FAT4: variants seen among roughly 807,000 people sequenced by gnomAD.
The protein encoded by FAT4 is protocadherin Fat 4.
FAT4 carries 84 observed loss-of-function variants against 303.9 expected under a neutral mutation model. That is an observed-to-expected ratio of 0.28 (90% CI 0.23 to 0.33). FAT4 has a LOEUF of 0.33. FAT4 is among the 10% of genes least tolerant of loss of function. The pLI is 1.00. For missense variants in FAT4, 6,005 were observed against 6,146.8 expected, an observed-to-expected ratio of 0.98 and a Z score of 0.77; for synonymous variants, 2,307 against 2,298.8, an observed-to-expected ratio of 1.00 and a Z score of -0.10.
intron 10 of FAT4, among the ~76,000 whole-genome samples, chr4:125,453,725 G>A (rs1254604978): frequency 6.6e-6 from 1 of 151,510 alleles, no homozygotes; most frequent in African/African-American, 2.4e-5. Flanking sequence ...AAAAAATGGT[G>A]TGTTATTCCT....
At chr4:125,396,803 T>C (rs1417109175) in intron 2 of FAT4, among the ~76,000 whole-genome samples, 1 of 152,022 alleles carries the variant, frequency 6.6e-6, no homozygotes, top group Non-Finnish European at 1.5e-5. Context: ...TACCTTTTAT[T>C]TGTTATTTTT....
At chr4:125,486,478 G>T (rs950193914) in intron 16 of FAT4, among the ~76,000 whole-genome samples, 2 of 152,042 alleles carry the variant, frequency 1.3e-5, no homozygotes, top group Non-Finnish European at 2.9e-5. Flanking sequence ...TTTCATTCCC[G>T]TTATTTGAGG....
chr4:125,491,456 AGAT>A lies in FAT4; in HGVS notation c.14646_14648del (p.Asp4882del). 4.3e-6 allele frequency: 7 copies of A among 1,614,206 alleles called. No homozygotes were observed. The highest frequency in any genetic ancestry group is 5.9e-6 in the Non-Finnish European group (7 of 1,180,016). ...TATCTCAAGTCAATGAATCTGATGC[AGAT>A]GATGAAGATAATTATGGAGCCAGAC... On this transcript the variant is annotated inframe_deletion, in exon 18 of 18. Transcript: ENST00000394329.
chr4:125,385,729 A>C (rs12650847), intron 2 of FAT4, among the ~76,000 whole-genome samples: 24,152 of 152,024 alleles, frequency 0.16, 2,422 homozygotes, highest in African/African-American at 0.3. Context: ...TCTAATTTCA[A>C]ATCTTTCATA....
chr4:125,352,852 A>C (rs1052665591), intron 2 of FAT4, among the ~76,000 whole-genome samples: 2 of 151,756 alleles, frequency 1.3e-5, no homozygotes, highest in Non-Finnish European at 1.5e-5. Flanking sequence ...TCAACTGTAT[A>C]AGCCATAAGA....
At chr4:125,390,370 G>T (rs1030161885) in intron 2 of FAT4, among the ~76,000 whole-genome samples, 5 of 152,240 alleles carry the variant, frequency 3.3e-5, no homozygotes, top group Admixed American at 2.0e-4. Flanking sequence ...CTCATCTCAG[G>T]CAGGAAAGGT....
intron 2 of FAT4, among the ~76,000 whole-genome samples, chr4:125,379,474 T>C (rs746769699): frequency 6.6e-6 from 1 of 152,108 alleles, no homozygotes; most frequent in Non-Finnish European, 1.5e-5. Context: ...TATTTATTTT[T>C]TTTGAGATGG....
chr4:125,475,114 T>C (rs1857900), intron 12 of FAT4, among the ~76,000 whole-genome samples: 114,525 of 151,810 alleles, frequency 0.75, 43,317 homozygotes, highest in East Asian at 0.85. Context: ...CTTGTCCATT[T>C]GGATAATGAA....
chr4:125,447,029 T>C (rs1477242618), intron 9 of FAT4, among the ~76,000 whole-genome samples: 1 of 152,092 alleles, frequency 6.6e-6, no homozygotes, highest in Non-Finnish European at 1.5e-5. Context: ...GTTTAATAAA[T>C]GGATAATTCT....
rs777659155 is a variant in FAT4 at position 125,449,803 on chromosome 4, T to C, written c.8793T>C (p.Asn2931=). The change falls in exon 10 of 18, where the codon AAT becomes AAC. Residue 2931 remains asparagine (N), a synonymous_variant. Transcript: ENST00000394329. ...ATGCCACCACTGGAGAGATTTTCAATAAACAGATCTTAAAATACCAAAATG... is the reference window on the plus strand; with the variant it reads ...ATGCCACCACTGGAGAGATTTTCAACAAACAGATCTTAAAATACCAAAATG... The part of the protein sequence containing the change: ...RINATTGEIF[N]KQILKYQNVT... The C allele has an allele frequency of 1.9e-6, 3 of 1,613,838 alleles. No homozygotes were observed. Among genetic ancestry groups the C allele is most frequent in the Non-Finnish European group, 2.5e-6 (3 of 1,179,908 alleles).
chr4:125,414,947 A>T lies in FAT4; in HGVS notation c.5984A>T (p.Asp1995Val). The T allele has an allele frequency of 6.2e-7, 1 of 1,613,714 alleles. No homozygotes were observed. The highest frequency in any genetic ancestry group is 8.5e-7 in the Non-Finnish European group (1 of 1,179,680). The change falls in exon 6 of 18, where the codon GAC becomes GTC. Residue 1995 changes from aspartate (D) to valine (V), a missense_variant. Transcript: ENST00000394329. ...SGDSLGQFTV[D>V]KNGVLKVLKA... ...GATAGCCTTGGGCAGTTTACTGTTG[A>T]CAAGAATGGTGTACTCAAAGTCCTA...
chr4:125,411,666 TAA>T (rs1734846476), intron 5 of FAT4, among the ~76,000 whole-genome samples: 1 of 150,210 alleles, frequency 6.7e-6, no homozygotes, highest in Non-Finnish European at 1.5e-5. Context: ...AGATTGTGAG[TAA>T]ATATACATAT....
In FAT4 at chr4:125,477,306, G is replaced by A; in HGVS notation, c.12451G>A (p.Ala4151Thr). 2 of 1,581,272 alleles carry A rather than the reference G, an allele frequency of 1.3e-6. No individual in the cohort carries two copies. Among genetic ancestry groups the A allele is most frequent in the Non-Finnish European group, 1.7e-6 (2 of 1,163,470 alleles). The change falls in exon 14 of 18, where the codon GCT becomes ACT. Residue 4151 changes from alanine to threonine, a missense_variant. Ala to Thr is a moderately conservative substitution (Grantham distance 58). Transcript: ENST00000394329. The part of the protein sequence containing the change: ...VNGRPLEPSQ[A>T]LAAQGILDQC... ...TGGAAGGCCTCTGGAACCCAGCCAA[G>A]CTTTGGCAGCACAAGGCATCCTAGA... is the stretch of plus-strand genomic sequence containing the variant.
At chr4:125,417,709 A>G (rs1735128760) in intron 7 of FAT4, among the ~76,000 whole-genome samples, 1 of 152,158 alleles carries the variant, frequency 6.6e-6, no homozygotes, top group Non-Finnish European at 1.5e-5. Flanking sequence ...AGTTTCAGTG[A>G]CATTAGTGTC....
intron 2 of FAT4, among the ~76,000 whole-genome samples, chr4:125,354,663 A>C (rs2125980769): frequency 6.6e-6 from 1 of 151,036 alleles, no homozygotes; most frequent in South Asian, 2.1e-4. Flanking sequence ...ATCAAGCCTC[A>C]GTTCAACAGG....
intron 3 of FAT4, among the ~76,000 whole-genome samples, chr4:125,400,740 C>T (rs755308657): frequency 1.3e-5 from 2 of 151,612 alleles, no homozygotes; most frequent in Non-Finnish European, 2.9e-5. Context: ...AGTAACCTTG[C>T]AGATGTTATC....
chr4:125,437,802 C>CTAT (rs1725512429), intron 8 of FAT4, among the ~76,000 whole-genome samples: 1 of 152,190 alleles, frequency 6.6e-6, no homozygotes, highest in Non-Finnish European at 1.5e-5. Flanking sequence ...CCTGACTCTA[C>CTAT]TATTACTATT....
chr4:125,423,142 A>C (rs1019261960), intron 7 of FAT4, among the ~76,000 whole-genome samples: 19 of 152,212 alleles, frequency 1.2e-4, no homozygotes, highest in African/African-American at 4.6e-4. Flanking sequence ...TAAAAGAAAA[A>C]CCCATTTTCT....
chr4:125,350,770 C>G (rs1187944626), intron 2 of FAT4, among the ~76,000 whole-genome samples: 1 of 151,608 alleles, frequency 6.6e-6, no homozygotes, highest in Non-Finnish European at 1.5e-5. Context: ...TGAAAGTACT[C>G]CCTCCTCATT....
Sources: gnomAD v4.1 joint callset for allele counts (sites outside exome capture counted in the v4.1 genomes callset) on GRCh38, gnomAD v4.1.1 for gene constraint, MANE v1.5 for transcripts, NCBI Gene and HGNC (gene_info 2026-07-23, HGNC 2026-07-21) for gene names.